The following PTGIS variants were observed in gnomAD, a reference collection of about 807,000 sequenced individuals.
The protein encoded by PTGIS is prostaglandin I2 synthase, also known as prostacyclin synthase.
In PTGIS, 45 loss-of-function variants were observed where a neutral mutation model predicts 50.3. The ratio of observed to expected loss-of-function variants is 0.90; its 90% CI spans 0.70 to 1.15. The LOEUF (loss-of-function observed/expected upper bound fraction) is 1.15, where lower values mean the gene tolerates loss of function less well. PTGIS is among the 50% of genes most tolerant of loss of function. PTGIS has a pLI of 0.00. For missense variants in PTGIS, 668 were observed against 661.3 expected (o/e 1.01, Z -0.11); for synonymous variants, 260 against 267.7 (o/e 0.97, Z 0.28).
intron 6 of PTGIS, among the ~76,000 whole-genome samples, chr20:49,515,374 T>C (rs1252831930): frequency 2.0e-5 from 3 of 152,190 alleles, no homozygotes; most frequent in Admixed American, 2.0e-4. Context: ...TAGCTGAACA[T>C]TTTCATACAC....
rs115762121 is a variant in PTGIS, at chr20:49,553,676, T to C, written c.75-3487A>G. The stretch of plus-strand genomic sequence containing the variant: ...ATTAAAAGGAAATAGTTTTGTCTAA[T>C]TCAAAGGTTGTTTATTAAACAACGT... On this transcript the variant is annotated intron_variant, in intron 1 of 9. Transcript: ENST00000244043. Among the ~76,000 whole-genome samples the C allele has an allele frequency of 4.1e-3, 620 of 152,030 alleles. 3 individuals are homozygous for C. Among genetic ancestry groups the C allele is most frequent in the African/African-American group, 0.014 (580 of 41,566 alleles).
chr20:49,509,881 C>CTT lies in PTGIS; in HGVS notation c.1358+1145_1358+1146dup, dbSNP rs11337451. Among the ~76,000 whole-genome samples the CTT allele has an allele frequency of 1.2e-3, 110 of 93,350 alleles. 2 individuals are homozygous for CTT. Among genetic ancestry groups the CTT allele is most frequent in the Non-Finnish European group, 1.5e-3 (72 of 48,916 alleles). The allele number at this position is 93,350 out of a possible 152,430, so 61.2% of individuals were successfully genotyped here. ...CCTGCAGTTTTTTCTTTCTTTCTTT[C>CTT]TTTTTTTTTTTTTTTTTTTTTTCTG... On this transcript the variant is annotated intron_variant, in intron 9 of 9. Transcript: ENST00000244043.
intron 6 of PTGIS, among the ~76,000 whole-genome samples, chr20:49,522,945 A>G (rs982389442): frequency 1.1e-4 from 17 of 151,964 alleles, no homozygotes; most frequent in Non-Finnish European, 1.6e-4. Flanking sequence ...AATCGCTTGA[A>G]CTCAGCAGGC....
At chr20:49,536,642 A>G (rs765363806) in intron 5 of PTGIS, among the ~76,000 whole-genome samples, 3 of 151,548 alleles carry the variant, frequency 2.0e-5, no homozygotes, top group African/African-American at 4.9e-5. Context: ...CACCACGCCC[A>G]GCTAATTTTT....
intron 3 of PTGIS, among the ~76,000 whole-genome samples, chr20:49,545,752 A>G (rs1490536520): frequency 6.6e-6 from 1 of 152,184 alleles, no homozygotes; most frequent in Non-Finnish European, 1.5e-5. Flanking sequence ...TGGGCGGTGC[A>G]CAGCCCATGG....
chr20:49,568,102 C>A lies in PTGIS; in HGVS notation c.15G>T (p.Ala5=). The part of the protein sequence containing the change: MAWA[A]LLGLLAALLL... The stretch of plus-strand genomic sequence containing the variant: ...ACAGTGCGGCCAGGAGGCCGAGGAG[C>A]GCGGCCCAAGCCATCGCGGGGCTGG... Residue 5 remains alanine (A), a synonymous_variant, in exon 1 of 10, where the codon GCG becomes GCT. Transcript: ENST00000244043. The A allele has an allele frequency of 8.8e-7, 1 of 1,130,974 alleles. No individual in the cohort carries two copies. The highest frequency in any genetic ancestry group is 1.5e-5 in the South Asian group (1 of 66,008). 70.1% of individuals were successfully genotyped at this position (1,130,974 alleles called of 1,614,324 possible).
chr20:49,509,068 G>A (rs571878144), intron 9 of PTGIS, among the ~76,000 whole-genome samples: 1 of 152,372 alleles, frequency 6.6e-6, no homozygotes, highest in Non-Finnish European at 1.5e-5. Flanking sequence ...TTAACACTCT[G>A]GACAGATCTG....
chr20:49,557,848 C>T (rs1982655300), intron 1 of PTGIS, among the ~76,000 whole-genome samples: 1 of 152,140 alleles, frequency 6.6e-6, no homozygotes, highest in South Asian at 2.1e-4. Flanking sequence ...CTACCCGTTC[C>T]TTTTCTCTTG....
In PTGIS at chr20:49,558,516, C is replaced by T. The variant is rs549764092; in HGVS notation, c.75-8327G>A. On this transcript the variant is annotated intron_variant, in intron 1 of 9. Coordinates refer to ENST00000244043, the MANE Select transcript of PTGIS (RefSeq NM_000961.4). ...AATGCAGTCTGGCAGTTCCTCAAAACGTCAAGCATAGACTTACTACAAGAC... is the reference window on the plus strand; with the variant it reads ...AATGCAGTCTGGCAGTTCCTCAAAATGTCAAGCATAGACTTACTACAAGAC... 8.5e-5 allele frequency among the ~76,000 whole-genome samples: 13 copies of T among 152,254 alleles called. No individual in the cohort carries two copies. The South Asian group carries it at 2.5e-3, about 29-fold the overall frequency.
intron 6 of PTGIS, among the ~76,000 whole-genome samples, chr20:49,518,056 G>C (rs1981537260): frequency 6.6e-6 from 1 of 152,220 alleles, no homozygotes; most frequent in African/African-American, 2.4e-5. Context: ...AAATTGCCTA[G>C]AGCTACTGGA....
At chr20:49,511,723 C>G (rs1271189186) in intron 8 of PTGIS, among the ~76,000 whole-genome samples, 1 of 152,168 alleles carries the variant, frequency 6.6e-6, no homozygotes, top group Non-Finnish European at 1.5e-5. Flanking sequence ...AGGGTTGTAG[C>G]TGAGCACAGA....
chr20:49,554,917 C>A (rs1982589546), intron 1 of PTGIS, among the ~76,000 whole-genome samples: 1 of 152,094 alleles, frequency 6.6e-6, no homozygotes, highest in Admixed American at 6.5e-5. Flanking sequence ...ATTTAATTGG[C>A]CTCATGCTGT....
chr20:49,523,823 G>A (rs1166891144), intron 6 of PTGIS, among the ~76,000 whole-genome samples: 1 of 152,328 alleles, frequency 6.6e-6, no homozygotes, highest in East Asian at 1.9e-4. Context: ...GTTTCTGTTC[G>A]TGATGCTATT....
rs1051249283 is a variant in PTGIS, at chr20:49,504,684, A to G, written c.*3236T>C. 4.0e-5 allele frequency: 6 copies of G among 150,972 alleles called. No individual in the cohort carries two copies. The highest frequency in any genetic ancestry group is 7.4e-5 in the Non-Finnish European group (5 of 67,906). 9.4% of individuals were successfully genotyped at this position (150,972 alleles called of 1,614,324 possible). On this transcript the variant is annotated 3_prime_UTR_variant, in exon 10 of 10. Transcript: ENST00000244043. The stretch of plus-strand genomic sequence containing the variant: ...ACTCCAGCCTGGGCAATAAGCGTGA[A>G]ACTCCGTCTCAAAAAAAAAAAAAAA...
intron 6 of PTGIS, among the ~76,000 whole-genome samples, chr20:49,522,210 T>C (rs1601184236): frequency 6.6e-6 from 1 of 152,126 alleles, no homozygotes; most frequent in South Asian, 2.1e-4. Context: ...TTGCACTTGC[T>C]GTTTCCCTTA....
At chr20:49,567,801 C>T (rs566702421) in intron 1 of PTGIS, among the ~76,000 whole-genome samples, 96 of 152,316 alleles carry the variant, frequency 6.3e-4, no homozygotes, top group Non-Finnish European at 1.2e-3. Context: ...GCGATTCGCC[C>T]CGGGGGACCT....
intron 5 of PTGIS, among the ~76,000 whole-genome samples, chr20:49,526,543 A>T (rs1055667696): frequency 6.6e-6 from 1 of 152,254 alleles, no homozygotes; most frequent in Admixed American, 6.5e-5. Flanking sequence ...AAGACAGCTG[A>T]CAGAAAGTGA....
chr20:49,536,523 C>T (rs1469511438), intron 5 of PTGIS, among the ~76,000 whole-genome samples: 1 of 144,340 alleles, frequency 6.9e-6, no homozygotes, highest in Admixed American at 6.9e-5. Flanking sequence ...CTCTGTCGCC[C>T]AGGCTGGAGT....
Position 49,524,133 on chromosome 20 carries a change from C to G in PTGIS, c.780G>C (p.Leu260=). ...AHRSKWLESY[L]LHLEEMGVSE... is the part of the protein sequence containing the mutation. ...ACACACCCATCTCCTCCAGGTGCAG[C>G]AGGTAACTCTCCAGCCATTTGCTCC... Residue 260 remains leucine (L), a synonymous_variant, in exon 6 of 10, where the codon CTG becomes CTC. Transcript: ENST00000244043. 6.2e-7 allele frequency: 1 copy of G among 1,614,262 alleles called. No individual in the cohort carries two copies. The highest frequency in any genetic ancestry group is 8.5e-7 in the Non-Finnish European group (1 of 1,180,052).
Sources: allele counts gnomAD v4.1 joint callset (sites outside exome capture counted in the v4.1 genomes callset), GRCh38; gene constraint gnomAD v4.1.1; transcripts MANE v1.5; gene names NCBI Gene and HGNC (gene_info 2026-07-23, HGNC 2026-07-21).